The following BNC2 variants were observed in gnomAD, a reference collection of about 807,000 sequenced individuals.
BNC2 encodes basonuclin zinc finger protein 2, also known as zinc finger protein basonuclin-2.
BNC2 carries 20 observed loss-of-function variants against 76.3 expected under a neutral mutation model. The observed-to-expected ratio is 0.26, with a 90% CI of 0.18 to 0.38. The LOEUF (loss-of-function observed/expected upper bound fraction) is 0.38. BNC2 is among the 10% of genes least tolerant of loss of function. The pLI is 1.00. For synonymous variants in BNC2, 582 were observed against 514.8 expected, an observed-to-expected ratio of 1.13 and a Z score of -1.77; for missense variants, 1,382 against 1,399.8, an observed-to-expected ratio of 0.99 and a Z score of 0.20.
intron 1 of BNC2, among the ~76,000 whole-genome samples, chr9:16,834,011 A>G (rs567632916): frequency 3.5e-4 from 53 of 152,216 alleles, no homozygotes; most frequent in African/African-American, 1.3e-3. Context: ...CCCTCAGACA[A>G]CCTAGTTAAT....
At chr9:16,525,641 C>T (rs1176725933) in intron 5 of BNC2, among the ~76,000 whole-genome samples, 3 of 152,130 alleles carry the variant, frequency 2.0e-5, no homozygotes, top group African/African-American at 4.8e-5. Context: ...ACACAAATTA[C>T]GATACATCCA....
At chr9:16,841,755 G>A (rs1193565815) in intron 1 of BNC2, among the ~76,000 whole-genome samples, 2 of 151,376 alleles carry the variant, frequency 1.3e-5, no homozygotes, top group African/African-American at 4.8e-5. Context: ...CATGATGACT[G>A]CCCATTGCAA....
At chr9:16,512,990 C>T (rs1288439276) in intron 5 of BNC2, among the ~76,000 whole-genome samples, 1 of 151,956 alleles carries the variant, frequency 6.6e-6, no homozygotes, top group Non-Finnish European at 1.5e-5. Context: ...GAAAAATTAG[C>T]TGGGTATTTT....
At chr9:16,573,493 C>A (rs1172410683) in intron 4 of BNC2, among the ~76,000 whole-genome samples, 1 of 151,350 alleles carries the variant, frequency 6.6e-6, no homozygotes, top group Admixed American at 6.6e-5. Context: ...GTGTTCAAAG[C>A]CATAACAGTG....
chr9:16,634,421 T>C (rs987613146), intron 3 of BNC2, among the ~76,000 whole-genome samples: 5 of 152,060 alleles, frequency 3.3e-5, no homozygotes, highest in Admixed American at 6.6e-5. Context: ...TGGTGACAAA[T>C]AGGTAAACCA....
intron 5 of BNC2, among the ~76,000 whole-genome samples, chr9:16,543,393 C>G (rs1274968724): frequency 6.6e-6 from 1 of 152,120 alleles, no homozygotes; most frequent in Non-Finnish European, 1.5e-5. Context: ...GAGTGCTGCT[C>G]AGGAGATCAT....
intron 5 of BNC2, among the ~76,000 whole-genome samples, chr9:16,490,980 C>G (rs1587090056): frequency 1.3e-5 from 2 of 152,058 alleles, no homozygotes; most frequent in East Asian, 3.9e-4. Flanking sequence ...GACCTAAGAT[C>G]CTACAGACCA....
intron 3 of BNC2, among the ~76,000 whole-genome samples, chr9:16,689,361 G>A (rs1823083501): frequency 3.3e-5 from 5 of 152,070 alleles, no homozygotes. Context: ...GTCATGTTAC[G>A]ATGAAAAGGG....
At chr9:16,453,781 T>C (rs1317781308) in intron 5 of BNC2, among the ~76,000 whole-genome samples, 1 of 152,144 alleles carries the variant, frequency 6.6e-6, no homozygotes, top group East Asian at 1.9e-4. Flanking sequence ...CATGCCACTT[T>C]CCCGAGTGAC....
chr9:16,498,964 A>C (rs910574700), intron 5 of BNC2, among the ~76,000 whole-genome samples: 1 of 152,210 alleles, frequency 6.6e-6, no homozygotes, highest in Non-Finnish European at 1.5e-5. Flanking sequence ...CTCTACAAAT[A>C]CTAGACAGAT....
chr9:16,577,384 G>T (rs1438559886), intron 4 of BNC2, among the ~76,000 whole-genome samples: 1 of 151,922 alleles, frequency 6.6e-6, no homozygotes, highest in East Asian at 1.9e-4. Flanking sequence ...AAAAAGGTTT[G>T]AAATTAATGG....
At chr9:16,687,945 G>A (rs1823024734) in intron 3 of BNC2, among the ~76,000 whole-genome samples, 1 of 152,184 alleles carries the variant, frequency 6.6e-6, no homozygotes, top group African/African-American at 2.4e-5. Context: ...CAAACTACCA[G>A]TATGTTTCAA....
rs190089599 is a variant in BNC2 at position 16,846,976 on chromosome 9, T to G, written c.3+23670A>C. ...GCTTTGGAAACACCCGAAACTTAAC[T>G]TCCCTGAAAGTACACTATTTCTGCA... On this transcript the variant is annotated intron_variant, in intron 1 of 6. Transcript: ENST00000380672. Among the ~76,000 whole-genome samples, 620 of 152,272 alleles carry G rather than the reference T, an allele frequency of 4.1e-3. 19 individuals are homozygous for G. Among genetic ancestry groups the G allele is most frequent in the Admixed American group, 0.039 (594 of 15,286 alleles).
At chr9:16,594,701 T>C (rs1820018812) in intron 3 of BNC2, among the ~76,000 whole-genome samples, 1 of 152,168 alleles carries the variant, frequency 6.6e-6, no homozygotes, top group African/African-American at 2.4e-5. Context: ...TACATTCTTG[T>C]ATTTAATCAT....
intron 1 of BNC2, among the ~76,000 whole-genome samples, chr9:16,831,907 G>C (rs1394834153): frequency 6.6e-6 from 1 of 152,160 alleles, no homozygotes; most frequent in Non-Finnish European, 1.5e-5. Flanking sequence ...CAGGCTATTA[G>C]ATTTGCACTC....
At chr9:16,701,602 C>T (rs924772823) in intron 3 of BNC2, among the ~76,000 whole-genome samples, 1 of 152,096 alleles carries the variant, frequency 6.6e-6, no homozygotes, top group Admixed American at 6.5e-5. Context: ...CAAACTTTGG[C>T]AGGCTAAAAG....
intron 1 of BNC2, among the ~76,000 whole-genome samples, chr9:16,787,263 T>C (rs2135602953): frequency 6.6e-6 from 1 of 152,350 alleles, no homozygotes; most frequent in South Asian, 2.1e-4. Flanking sequence ...ACCTGTGATC[T>C]TGAGTCAGTC....
At chr9:16,580,229 C>G (rs981058319) in intron 4 of BNC2, 3 of 398,190 alleles carry the variant, frequency 7.5e-6, no homozygotes, top group Non-Finnish European at 1.3e-5. Context: ...ACTGCCAACT[C>G]CAAGGCTAGA....
chr9:16,773,955 T>C lies in BNC2; in HGVS notation c.4-35470A>G, dbSNP rs537972234. ...AAAACTTCAAGCCCAAAGGTCCAAA[T>C]TGACAGTATGTTTTTTTGTTTTGTT... is the stretch of plus-strand genomic sequence containing the variant. On this transcript the variant is annotated intron_variant, in intron 1 of 6. Transcript: ENST00000380672. 9.2e-5 allele frequency among the ~76,000 whole-genome samples: 14 copies of C among 152,266 alleles called. No homozygotes were observed. The East Asian group carries it at 9.6e-4, about 10-fold the overall frequency.
Sources: gnomAD v4.1 joint callset for allele counts (sites outside exome capture counted in the v4.1 genomes callset) on GRCh38, gnomAD v4.1.1 for gene constraint, MANE v1.5 for transcripts, NCBI Gene and HGNC (gene_info 2026-07-23, HGNC 2026-07-21) for gene names.